CENPO: variants seen among roughly 807,000 people sequenced by gnomAD.
CENPO encodes centromere protein O, also known as centromeric protein O.
A neutral mutation model predicts 36.1 loss-of-function variants in CENPO; 30 were observed. That is an observed-to-expected ratio of 0.83 (90% CI 0.62 to 1.13). The LOEUF is 1.13. CENPO is among the 50% of genes most tolerant of loss of function. The probability of loss-of-function intolerance (pLI) is 0.00; values close to 1 mark genes in which losing one functional copy is unlikely to be tolerated. For missense variants in CENPO, 349 were observed against 357.8 expected, an observed-to-expected ratio of 0.98 and a Z score of 0.20; for synonymous variants, 171 against 142.3, an observed-to-expected ratio of 1.20 and a Z score of -1.44.
intron 3 of CENPO, among the ~76,000 whole-genome samples, chr2:24,805,477 T>C (rs1043775905): frequency 1.1e-4 from 16 of 151,568 alleles, no homozygotes; most frequent in Non-Finnish European, 1.8e-4. Context: ...TGGTCTTTGA[T>C]GATAGTGACG....
Position 24,817,856 on chromosome 2 carries a change from C to T in CENPO, c.*35+15C>T, listed in dbSNP as rs1181126750. ...GCACATCAGAGGTAAGTAACCAGTA[C>T]TGAAGACAGTACCAGGTGGGTAGTA... is the stretch of plus-strand genomic sequence containing the variant. On this transcript the variant is annotated intron_variant, in intron 7 of 7. Coordinates refer to ENST00000380834, the MANE Select transcript of CENPO (RefSeq NM_001322101.2). 3 of 1,608,590 alleles carry T rather than the reference C, an allele frequency of 1.9e-6. No individual in the cohort carries two copies. The highest frequency in any genetic ancestry group is 2.2e-5 in the East Asian group (1 of 44,854).
At chr2:24,812,430 G>C (rs1344138584) in intron 3 of CENPO, among the ~76,000 whole-genome samples, 1 of 151,964 alleles carries the variant, frequency 6.6e-6, no homozygotes, top group African/African-American at 2.4e-5. Context: ...TGCTTGTAAA[G>C]CTTCTTTAAT....
chr2:24,817,638 C>G (rs1246245610), intron 6 of CENPO, 32 bp from the exon 7 acceptor site: 6 of 1,613,930 alleles, frequency 3.7e-6, no homozygotes, highest in African/African-American at 1.3e-5. Context: ...CCCAGCTGCA[C>G]TGAATGAGAT....
chr2:24,817,660 T>G lies in CENPO; in HGVS notation c.767-10T>G. 1.2e-6 allele frequency: 2 copies of G among 1,614,134 alleles called. No individual in the cohort carries two copies. Among genetic ancestry groups the G allele is most frequent in the Non-Finnish European group, 1.7e-6 (2 of 1,180,010 alleles). On this transcript the variant is annotated splice_polypyrimidine_tract_variant and intron_variant, in intron 6 of 7. Transcript: ENST00000380834. ...GCACTGAATGAGATTGATGGAATCTTTCTTTTTAGGAGTGGAAGTATTATC... is the reference window on the plus strand; with the variant it reads ...GCACTGAATGAGATTGATGGAATCTGTCTTTTTAGGAGTGGAAGTATTATC...
chr2:24,805,249 A>T (rs1356146674), intron 3 of CENPO, among the ~76,000 whole-genome samples: 2 of 151,728 alleles, frequency 1.3e-5, no homozygotes, highest in Admixed American at 6.6e-5. Flanking sequence ...AAGGTTTTTA[A>T]CTTCTTTGCC....
intron 3 of CENPO, among the ~76,000 whole-genome samples, chr2:24,809,868 G>A (rs1201753602): frequency 1.3e-5 from 2 of 152,026 alleles, no homozygotes; most frequent in Non-Finnish European, 2.9e-5. Context: ...GGCCTAGTGT[G>A]TTCATCATGT....
chr2:24,820,525 A>G lies in CENPO; in HGVS notation c.*1207A>G. Reference sequence around the variant, plus strand: ...ATATGCATCTAGAACTTCAGCCCAGATTTTGTGGATGGGTGGAAGTGTTTC... The same window carrying G: ...ATATGCATCTAGAACTTCAGCCCAGGTTTTGTGGATGGGTGGAAGTGTTTC... On this transcript the variant is annotated 3_prime_UTR_variant, in exon 8 of 8. Transcript: ENST00000380834. The G allele has an allele frequency of 7.1e-7, 1 of 1,405,922 alleles. No homozygotes were observed. The highest frequency in any genetic ancestry group is 1.5e-5 in the South Asian group (1 of 64,708). 87.1% of individuals were successfully genotyped at this position (1,405,922 alleles called of 1,614,324 possible). A position where few individuals can be genotyped will look rare whatever the true frequency, so the allele number is the denominator to read the frequency against.
intron 5 of CENPO, chr2:24,815,989 G>A: frequency 1.9e-6 from 1 of 533,110 alleles, no homozygotes; most frequent in Non-Finnish European, 3.4e-6. Flanking sequence ...CCTGAATGGT[G>A]GTCTTCAAGC....
At chr2:24,812,338 G>T (rs1380040089) in intron 3 of CENPO, among the ~76,000 whole-genome samples, 3 of 151,808 alleles carry the variant, frequency 2.0e-5, no homozygotes, top group Admixed American at 2.0e-4. Flanking sequence ...TTTTCTTCGG[G>T]CTTAAGATTT....
At chr2:24,810,951 AT>A (rs1356718557) in intron 3 of CENPO, among the ~76,000 whole-genome samples, 3 of 145,726 alleles carry the variant, frequency 2.1e-5, no homozygotes, top group Admixed American at 6.8e-5. Flanking sequence ...TATTATTGTT[AT>A]TTTTTTTTTG....
rs546627001 is a variant in CENPO, at chr2:24,813,549, C to T, written c.217-827C>T. 4.6e-5 allele frequency among the ~76,000 whole-genome samples: 7 copies of T among 152,172 alleles called. No individual in the cohort carries two copies. In the South Asian group the frequency reaches 8.3e-4, roughly 18 times the overall value. ...TTTTTCCCCTTTAGCAGCTTCTTTC[C>T]GTTTGGTTTCTCAGTCCCCAGTCAC... On this transcript the variant is annotated intron_variant, in intron 3 of 7. Transcript: ENST00000380834.
chr2:24,821,332 T>C lies in CENPO; in HGVS notation c.*2014T>C. The C allele has an allele frequency of 1.3e-6, 1 of 794,116 alleles. No individual in the cohort carries two copies. Among genetic ancestry groups the C allele is most frequent in the Non-Finnish European group, 2.0e-6 (1 of 511,792 alleles). The allele number at this position is 794,116 out of a possible 1,614,324, so 49.2% of individuals were successfully genotyped here. A position where few individuals can be genotyped will look rare whatever the true frequency, so the allele number is the denominator to read the frequency against. ...GTCGGATCATCACATCAGCTGGGTTTTTGGTTTAGTCATCTAGAGTCGTCT... is the reference window on the plus strand; with the variant it reads ...GTCGGATCATCACATCAGCTGGGTTCTTGGTTTAGTCATCTAGAGTCGTCT... On this transcript the variant is annotated 3_prime_UTR_variant, in exon 8 of 8. Coordinates refer to ENST00000380834, the MANE Select transcript of CENPO (RefSeq NM_001322101.2).
At chr2:24,814,295 A>G in intron 3 of CENPO, 81 bp from the exon 4 acceptor site, 1 of 771,436 alleles carries the variant, frequency 1.3e-6, no homozygotes, top group Non-Finnish European at 2.4e-6. Context: ...CCTTGTATTT[A>G]GCTTTCATCC....
chr2:24,804,917 G>A (rs1247291511), intron 3 of CENPO, among the ~76,000 whole-genome samples: 1 of 152,224 alleles, frequency 6.6e-6, no homozygotes. Context: ...ATCCTGCAGA[G>A]TGTTTTCCAA....
Position 24,799,682 on chromosome 2 carries a change from A to G in CENPO, c.54A>G (p.Leu18=). The change falls in exon 3 of 8, where the codon TTA becomes TTG. Residue 18 remains leucine (L), a synonymous_variant. Coordinates refer to ENST00000380834, the MANE Select transcript of CENPO (RefSeq NM_001322101.2). ...RPDGESKGGV[L]AHLERLETQV... is the part of the protein sequence containing the mutation. ...TCCTTTTACTCTCCTTAGGTGTTTT[A>G]GCTCACTTGGAAAGGCTAGAGACCC... is the stretch of plus-strand genomic sequence containing the variant. 6.2e-7 allele frequency: 1 copy of G among 1,611,810 alleles called. No homozygotes were observed. Among genetic ancestry groups the G allele is most frequent in the Non-Finnish European group, 8.5e-7 (1 of 1,178,760 alleles).
intron 5 of CENPO, 60 bp downstream of exon 5, chr2:24,815,816 A>G (rs1202553116): frequency 1.2e-5 from 18 of 1,513,438 alleles, no homozygotes; most frequent in Non-Finnish European, 1.4e-5. Flanking sequence ...TAAAAGGGGG[A>G]TGTTTTTTGT....
At chr2:24,797,206 T>G (rs942740874) in intron 2 of CENPO, among the ~76,000 whole-genome samples, 11 of 152,206 alleles carry the variant, frequency 7.2e-5, no homozygotes, top group Non-Finnish European at 1.2e-4. Context: ...GGTAATGGAT[T>G]GGGACTGGGT....
intron 3 of CENPO, among the ~76,000 whole-genome samples, chr2:24,807,586 G>A (rs1666478202): frequency 1.3e-5 from 2 of 152,164 alleles, no homozygotes; most frequent in Admixed American, 1.3e-4. Flanking sequence ...AATTATGAAT[G>A]CTGCTGCTGT....
rs556248650 is a variant in CENPO, at chr2:24,820,835, G to A, written c.*1517G>A. ...CTCCGATGACCCCAGCCAGAACCCC[G>A]CCTTTGTTCATGCCTAGGGTAGAGG... On this transcript the variant is annotated 3_prime_UTR_variant, in exon 8 of 8. Coordinates refer to ENST00000380834, the MANE Select transcript of CENPO (RefSeq NM_001322101.2). 2.2e-5 allele frequency: 35 copies of A among 1,613,918 alleles called. No individual in the cohort carries two copies. The highest frequency in any genetic ancestry group is 3.3e-5 in the Admixed American group (2 of 59,988).
Sources: gnomAD v4.1 joint callset for allele counts (sites outside exome capture counted in the v4.1 genomes callset) on GRCh38, gnomAD v4.1.1 for gene constraint, MANE v1.5 for transcripts, NCBI Gene and HGNC (gene_info 2026-07-23, HGNC 2026-07-21) for gene names.